Variants in FAM135B observed in about 807,000 individuals in gnomAD.
FAM135B encodes protein FAM135B.
A neutral mutation model predicts 127.7 loss-of-function variants in FAM135B; 43 were observed. The observed-to-expected ratio is 0.34, with a 90% CI of 0.26 to 0.43. The LOEUF (loss-of-function observed/expected upper bound fraction) is 0.43, where lower values mean the gene tolerates loss of function less well. Among genes scored for constraint, FAM135B ranks in the 20% least tolerant of loss-of-function variants. The pLI is 1.00. For synonymous variants in FAM135B, 670 were observed against 665.1 expected, an observed-to-expected ratio of 1.01 and a Z score of -0.11; for missense variants, 1,558 against 1,725.6, an observed-to-expected ratio of 0.90 and a Z score of 1.72.
intron 2 of FAM135B, among the ~76,000 whole-genome samples, chr8:138,329,435 AT>A (rs1828020262): frequency 6.6e-6 from 1 of 152,304 alleles, no homozygotes; most frequent in East Asian, 1.9e-4. Flanking sequence ...ATTTCAAGGG[AT>A]TTCATTATGT....
At chr8:138,188,502 G>A (rs1188550615) in intron 9 of FAM135B, among the ~76,000 whole-genome samples, 2 of 152,196 alleles carry the variant, frequency 1.3e-5, no homozygotes, top group African/African-American at 4.8e-5. Context: ...CGCATTTGGT[G>A]TCAAAGTGTC....
intron 1 of FAM135B, among the ~76,000 whole-genome samples, chr8:138,472,463 C>T (rs756833722): frequency 1.2e-4 from 19 of 152,056 alleles, no homozygotes; most frequent in East Asian, 5.8e-4. Flanking sequence ...ACAGTCCCTG[C>T]GCTGTTCTGG....
At chr8:138,298,853 G>A (rs975182346) in intron 3 of FAM135B, among the ~76,000 whole-genome samples, 16 of 152,034 alleles carry the variant, frequency 1.1e-4, no homozygotes, top group Admixed American at 3.9e-4. Context: ...AGAAAGGGGA[G>A]TGTTCTCAGG....
At chr8:138,487,886 C>T (rs1346400267) in intron 1 of FAM135B, among the ~76,000 whole-genome samples, 1 of 152,090 alleles carries the variant, frequency 6.6e-6, no homozygotes, top group East Asian at 1.9e-4. Context: ...CACCTGGAAT[C>T]CCAGCTACTG....
At chr8:138,486,176 A>T (rs1814977207) in intron 1 of FAM135B, among the ~76,000 whole-genome samples, 1 of 151,946 alleles carries the variant, frequency 6.6e-6, no homozygotes, top group Admixed American at 6.6e-5. Context: ...AGACAAGCAG[A>T]AGGAGTGGCT....
At chr8:138,405,118 ATGT>A (rs1833389015) in intron 1 of FAM135B, among the ~76,000 whole-genome samples, 1 of 152,154 alleles carries the variant, frequency 6.6e-6, no homozygotes, top group African/African-American at 2.4e-5. Context: ...TTCAGAATTG[ATGT>A]TGTGCTAGCA....
At chr8:138,347,437 A>C (rs1231004675) in intron 2 of FAM135B, among the ~76,000 whole-genome samples, 1 of 152,184 alleles carries the variant, frequency 6.6e-6, no homozygotes, top group African/African-American at 2.4e-5. Flanking sequence ...AGCCTATGAC[A>C]CTGAGGCTTA....
intron 7 of FAM135B, among the ~76,000 whole-genome samples, chr8:138,236,481 G>C (rs972064739): frequency 2.0e-5 from 3 of 151,786 alleles, no homozygotes; most frequent in African/African-American, 7.3e-5. Context: ...AGGACGAAAG[G>C]TATCACAACC....
chr8:138,384,771 C>T (rs1832083618), intron 1 of FAM135B, among the ~76,000 whole-genome samples: 1 of 152,074 alleles, frequency 6.6e-6, no homozygotes, highest in African/African-American at 2.4e-5. Context: ...TGTTTAGGGG[C>T]TAGCAATTGG....
chr8:138,491,353 C>A (rs919133846), intron 1 of FAM135B, among the ~76,000 whole-genome samples: 2 of 151,996 alleles, frequency 1.3e-5, no homozygotes, highest in African/African-American at 4.8e-5. Flanking sequence ...AGCTGGAGAC[C>A]CCTCTAACAA....
Position 138,497,181 on chromosome 8 carries a change from G to A in FAM135B, c.-530C>T, listed in dbSNP as rs548017808. On this transcript the variant is annotated 5_prime_UTR_variant, in exon 1 of 20. Transcript: ENST00000395297. ...TCCGCGCCGCGCCGCGCGCCCTCGC[G>A]GCCGGGAGAGCCCGCCCTGCTGCTC... is the stretch of plus-strand genomic sequence containing the variant. Among the ~76,000 whole-genome samples the A allele has an allele frequency of 6.6e-6, 1 of 151,170 alleles. No individual in the cohort carries two copies. Among genetic ancestry groups the A allele is most frequent in the South Asian group, 2.1e-4 (1 of 4,824 alleles).
At chr8:138,206,312 C>G (rs1185892085) in intron 7 of FAM135B, among the ~76,000 whole-genome samples, 12 of 149,858 alleles carry the variant, frequency 8.0e-5, no homozygotes, top group East Asian at 2.0e-4. Context: ...CCTCCACCTA[C>G]CCACAGCTCT....
chr8:138,171,193 C>G (rs1412381021), intron 11 of FAM135B, among the ~76,000 whole-genome samples: 1 of 152,178 alleles, frequency 6.6e-6, no homozygotes, highest in Non-Finnish European at 1.5e-5. Context: ...CTCTCTCTCT[C>G]CATGTATATC....
rs549045629 is a variant in FAM135B, at chr8:138,164,506, G to A, written c.1258+3389C>T. Among the ~76,000 whole-genome samples, 6 of 152,300 alleles carry A rather than the reference G, an allele frequency of 3.9e-5. No individual in the cohort carries two copies. The East Asian group carries it at 1.2e-3, about 29-fold the overall frequency. On this transcript the variant is annotated intron_variant, in intron 12 of 19. Transcript: ENST00000395297. ...CTAAGCTAAAGGGAAAAGCCAAGCT[G>A]GGAACTGCTTAAGGCAAACCTGCCT...
At position 138,131,854 on chromosome 8, in the gene FAM135B, G is replaced by T. The variant is rs911581638; in HGVS notation, c.*739C>A. 1 of 152,558 alleles carries T rather than the reference G, an allele frequency of 6.6e-6. No individual in the cohort carries two copies. The highest frequency in any genetic ancestry group is 1.5e-5 in the Non-Finnish European group (1 of 68,064). 9.5% of individuals were successfully genotyped at this position (152,558 alleles called of 1,614,324 possible). A position where few individuals can be genotyped will look rare whatever the true frequency, so the allele number is the denominator to read the frequency against. ...ATCACTAAAATAATTTGTGGATCAG[G>T]GCTCTGCATAGAAGAATTCTGGGGA... On this transcript the variant is annotated 3_prime_UTR_variant, in exon 20 of 20. Coordinates refer to ENST00000395297, the MANE Select transcript of FAM135B (RefSeq NM_015912.4).
chr8:138,406,366 T>G (rs1449449740), intron 1 of FAM135B, among the ~76,000 whole-genome samples: 2 of 152,008 alleles, frequency 1.3e-5, no homozygotes, highest in Non-Finnish European at 2.9e-5. Context: ...CTGAAACTAT[T>G]CCAATCAATA....
intron 1 of FAM135B, among the ~76,000 whole-genome samples, chr8:138,483,784 G>T (rs1175859110): frequency 6.6e-6 from 1 of 152,068 alleles, no homozygotes; most frequent in East Asian, 1.9e-4. Flanking sequence ...CATTCCACTG[G>T]GTGTCAATCC....
chr8:138,365,391 A>G (rs1830674063), intron 2 of FAM135B, among the ~76,000 whole-genome samples: 1 of 152,154 alleles, frequency 6.6e-6, no homozygotes, highest in Admixed American at 6.5e-5. Context: ...GTTATTTTGA[A>G]ATATTTTGTT....
At chr8:138,438,726 A>C (rs566237888) in intron 1 of FAM135B, 2 of 152,356 alleles carry the variant, frequency 1.3e-5, no homozygotes, top group South Asian at 4.1e-4. Flanking sequence ...TTCTTGCCAA[A>C]GACAGGCCAG....
Sources: allele counts gnomAD v4.1 joint callset (sites outside exome capture counted in the v4.1 genomes callset), GRCh38; gene constraint gnomAD v4.1.1; transcripts MANE v1.5; gene names NCBI Gene and HGNC (gene_info 2026-07-23, HGNC 2026-07-21).